The following CDH7 variants were observed in gnomAD, a reference collection of about 807,000 sequenced individuals.
CDH7 encodes cadherin-7.
Under a neutral mutation model 71.8 loss-of-function variants are expected in CDH7, and 25 were observed. The ratio of observed to expected loss-of-function variants is 0.35; its 90% CI spans 0.25 to 0.49. CDH7 has a LOEUF of 0.49. CDH7 is among the 20% of genes least tolerant of loss of function. The probability of loss-of-function intolerance (pLI) is 0.99; values close to 1 mark genes in which losing one functional copy is unlikely to be tolerated. For missense variants in CDH7, 862 were observed against 974.6 expected, an observed-to-expected ratio of 0.88 and a Z score of 1.54; for synonymous variants, 381 against 363.8, an observed-to-expected ratio of 1.05 and a Z score of -0.54.
intron 2 of CDH7, among the ~76,000 whole-genome samples, chr18:65,781,840 T>TC (rs1910232536): frequency 1.2e-4 from 12 of 96,346 alleles, no homozygotes; most frequent in African/African-American, 7.4e-4. Context: ...CTTTCTTTCT[T>TC]TCTTTCTTTC....
At chr18:65,762,313 A>G (rs190910598) in intron 1 of CDH7, among the ~76,000 whole-genome samples, 1 of 152,340 alleles carries the variant, frequency 6.6e-6, no homozygotes, top group East Asian at 1.9e-4. Flanking sequence ...AAAGGCTAAC[A>G]TTAAAATGAT....
chr18:65,861,979 G>A (rs185913165), intron 10 of CDH7, among the ~76,000 whole-genome samples: 15 of 152,044 alleles, frequency 9.9e-5, no homozygotes, highest in African/African-American at 2.4e-4. Flanking sequence ...TAAATCACAC[G>A]TTATATAGAC....
At chr18:65,863,092 C>T (rs1277851210) in intron 11 of CDH7, 175 bp downstream of exon 11, 1 of 684,234 alleles carries the variant, frequency 1.5e-6, no homozygotes, top group Non-Finnish European at 2.4e-6. Context: ...GGCTGGAGTG[C>T]AGTAGAATGA....
At chr18:65,842,816 C>G (rs1817558) in intron 6 of CDH7, among the ~76,000 whole-genome samples, 84,283 of 150,512 alleles carry the variant, frequency 0.56, 26,029 homozygotes, top group East Asian at 0.92. Context: ...ACAACTAAGT[C>G]AAGTATGTAT....
rs1425835326 is a variant in CDH7 at position 65,881,883 on chromosome 18, G to C, written c.*989G>C. 6.6e-6 allele frequency: 1 copy of C among 152,166 alleles called. No individual in the cohort carries two copies. The highest frequency in any genetic ancestry group is 2.4e-5 in the African/African-American group (1 of 41,452). 9.4% of individuals were successfully genotyped at this position (152,166 alleles called of 1,614,324 possible). ...GTTGCAGGTCACATCTCAAAGAGGAGCACAGCTACAAGGACATATAAATTG... is the reference window on the plus strand; with the variant it reads ...GTTGCAGGTCACATCTCAAAGAGGACCACAGCTACAAGGACATATAAATTG... On this transcript the variant is annotated 3_prime_UTR_variant, in exon 12 of 12. Transcript: ENST00000397968.
chr18:65,839,213 G>T (rs1033776359), intron 6 of CDH7, among the ~76,000 whole-genome samples: 1 of 152,068 alleles, frequency 6.6e-6, no homozygotes, highest in East Asian at 1.9e-4. Flanking sequence ...GTCTTAGTCC[G>T]TTTGGGCTAC....
At chr18:65,784,734 G>A (rs10503102) in intron 2 of CDH7, among the ~76,000 whole-genome samples, 51,088 of 151,922 alleles carry the variant, frequency 0.34, 8,865 homozygotes, top group Middle Eastern at 0.46. Flanking sequence ...CTTCATCTCC[G>A]TGTTGAATCC....
intron 2 of CDH7, among the ~76,000 whole-genome samples, chr18:65,795,556 CGTT>C (rs1490023237): frequency 2.0e-5 from 3 of 151,990 alleles, no homozygotes; most frequent in Non-Finnish European, 4.4e-5. Context: ...AAATGTATAA[CGTT>C]GTAAATCTCA....
At chr18:65,781,814 CCT>C (rs1568181475) in intron 2 of CDH7, among the ~76,000 whole-genome samples, 9 of 87,016 alleles carry the variant, frequency 1.0e-4, no homozygotes, top group African/African-American at 4.6e-4. Flanking sequence ...TTCCTTCCTT[CCT>C]TCCTTCTTTC....
In CDH7 at chr18:65,888,570, A is replaced by T. The variant is rs1035668417; in HGVS notation, c.*7676A>T. On this transcript the variant is annotated 3_prime_UTR_variant, in exon 12 of 12. Coordinates refer to ENST00000397968, the MANE Select transcript of CDH7 (RefSeq NM_004361.5). ...TTTTCTTCTAAGTGACTGATTTTTA[A>T]TATAAAAGTATCACAATAAAGTTTT... is the stretch of plus-strand genomic sequence containing the variant. The T allele has an allele frequency of 1.3e-5, 2 of 152,208 alleles. No individual in the cohort carries two copies. Among genetic ancestry groups the T allele is most frequent in the South Asian group, 4.1e-4 (2 of 4,836 alleles). 9.4% of individuals were successfully genotyped at this position (152,208 alleles called of 1,614,324 possible).
At chr18:65,814,446 G>A (rs755088579) in intron 3 of CDH7, 39 bp from the exon 4 acceptor site, 1 of 1,611,696 alleles carries the variant, frequency 6.2e-7, no homozygotes, top group Non-Finnish European at 8.5e-7. Context: ...TGTGGTATTT[G>A]GAAGTTTTTA....
At chr18:65,778,774 A>G (rs1442361591) in intron 2 of CDH7, among the ~76,000 whole-genome samples, 2 of 151,518 alleles carry the variant, frequency 1.3e-5, no homozygotes, top group East Asian at 3.9e-4. Context: ...GTCAGGCATA[A>G]TTGAATGGTT....
intron 2 of CDH7, among the ~76,000 whole-genome samples, chr18:65,785,313 G>A (rs1413288412): frequency 1.3e-5 from 2 of 152,042 alleles, no homozygotes; most frequent in Non-Finnish European, 2.9e-5. Context: ...GAGATAGCAT[G>A]AAAATGGTAT....
At chr18:65,822,599 CA>C (rs1281957233) in intron 5 of CDH7, among the ~76,000 whole-genome samples, 1 of 151,448 alleles carries the variant, frequency 6.6e-6, no homozygotes. Context: ...AAGTTGTTGC[CA>C]ATTAATAATA....
At chr18:65,783,997 G>A (rs1910414451) in intron 2 of CDH7, among the ~76,000 whole-genome samples, 1 of 152,010 alleles carries the variant, frequency 6.6e-6, no homozygotes, top group African/African-American at 2.4e-5. Flanking sequence ...CTCTGTGCAG[G>A]CTGGAGTGCA....
At chr18:65,813,760 C>T (rs1196140903) in intron 3 of CDH7, among the ~76,000 whole-genome samples, 1 of 151,980 alleles carries the variant, frequency 6.6e-6, no homozygotes, top group African/African-American at 2.4e-5. Context: ...AGAAGAAATG[C>T]TTTCCATATT....
At position 65,889,145 on chromosome 18, in the gene CDH7, A is replaced by G. The variant is rs1914446342; in HGVS notation, c.*8251A>G. On this transcript the variant is annotated 3_prime_UTR_variant, in exon 12 of 12. Transcript: ENST00000397968. The stretch of plus-strand genomic sequence containing the variant: ...CATTGTTGTGAGAATGGACGAGAGC[A>G]CAAAAACACGGCAGACCAGATTTTC... 1 of 152,230 alleles carries G rather than the reference A, an allele frequency of 6.6e-6. No homozygotes were observed. The highest frequency in any genetic ancestry group is 2.1e-4 in the South Asian group (1 of 4,834). The allele number at this position is 152,230 out of a possible 1,614,324, so 9.4% of individuals were successfully genotyped here.
At chr18:65,782,079 T>TTTCC (rs1223384409) in intron 2 of CDH7, among the ~76,000 whole-genome samples, 570 of 43,094 alleles carry the variant, frequency 0.013, 53 homozygotes, top group South Asian at 0.015. Context: ...TCTTTCTTTC[T>TTTCC]TTCCTTCCTT....
At chr18:65,857,209 ATGG>A (rs1304878122) in intron 7 of CDH7, among the ~76,000 whole-genome samples, 1 of 151,478 alleles carries the variant, frequency 6.6e-6, no homozygotes, top group Non-Finnish European at 1.5e-5. Flanking sequence ...TTAGCCAGTG[ATGG>A]TGGCTCACGC....
Sources: allele counts gnomAD v4.1 joint callset (sites outside exome capture counted in the v4.1 genomes callset), GRCh38; gene constraint gnomAD v4.1.1; transcripts MANE v1.5; gene names NCBI Gene and HGNC (gene_info 2026-07-23, HGNC 2026-07-21).